The following C7orf78 variants were observed in gnomAD, a reference collection of about 807,000 sequenced individuals.
C7orf78 encodes putative uncharacterized protein C7orf78.
chr7:12,500,152 A>C, the C7orf78 span, among the ~76,000 whole-genome samples: 4 of 147,074 alleles, frequency 2.7e-5, no homozygotes, highest in African/African-American at 1.0e-4. Context: ...TTGACACCCT[A>C]ACATCACAAT....
the C7orf78 span, among the ~76,000 whole-genome samples, chr7:12,504,153 C>T: frequency 6.6e-6 from 1 of 152,104 alleles, no homozygotes; most frequent in Non-Finnish European, 1.5e-5. Context: ...GATTGCTAAG[C>T]AATTACAAAA....
chr7:12,501,687 C>T, the C7orf78 span, among the ~76,000 whole-genome samples: 2 of 147,130 alleles, frequency 1.4e-5, no homozygotes. Context: ...ATGCCATCCC[C>T]ATCAAGCTAC....
the C7orf78 span, among the ~76,000 whole-genome samples, chr7:12,522,242 C>G: frequency 1.3e-5 from 2 of 152,090 alleles, no homozygotes; most frequent in Admixed American, 6.6e-5. Flanking sequence ...ACTATTTCTA[C>G]TTCACCAAAT....
chr7:12,502,288 A>G, the C7orf78 span, among the ~76,000 whole-genome samples: 4 of 124,044 alleles, frequency 3.2e-5, no homozygotes, highest in Admixed American at 8.3e-5. Context: ...CATCAGAGTG[A>G]ACAGGCAACC....
chr7:12,502,357 A>G, the C7orf78 span, among the ~76,000 whole-genome samples: 1 of 147,842 alleles, frequency 6.8e-6, no homozygotes, highest in Non-Finnish European at 1.5e-5. Flanking sequence ...AATATCCAGA[A>G]TCTACAATGA....
the C7orf78 span, among the ~76,000 whole-genome samples, chr7:12,514,559 G>C: frequency 4.0e-5 from 6 of 151,828 alleles, no homozygotes; most frequent in Non-Finnish European, 5.9e-5. Context: ...ATTGATTTTT[G>C]AAGTTTTCTT....
At chr7:12,488,737 A>G in the C7orf78 span, among the ~76,000 whole-genome samples, 1 of 152,102 alleles carries the variant, frequency 6.6e-6, no homozygotes, top group Non-Finnish European at 1.5e-5. Flanking sequence ...TTATGTATTT[A>G]TCTAAGAAGT....
chr7:12,495,927 A>C, the C7orf78 span, among the ~76,000 whole-genome samples: 17 of 151,028 alleles, frequency 1.1e-4, no homozygotes, highest in Admixed American at 3.3e-4. Flanking sequence ...AACTCAAAAA[A>C]AATTTTTTTT....
chr7:12,526,441 A>G, the C7orf78 span, among the ~76,000 whole-genome samples: 4 of 152,222 alleles, frequency 2.6e-5, no homozygotes, highest in Non-Finnish European at 5.9e-5. Flanking sequence ...AGCATTTCTT[A>G]TTTGGATTAG....
the C7orf78 span, among the ~76,000 whole-genome samples, chr7:12,521,282 T>C: frequency 0.1 from 15,730 of 152,080 alleles, 1,111 homozygotes; most frequent in Non-Finnish European, 0.15. Flanking sequence ...GTTTTGTATA[T>C]ATTATTTTTT....
chr7:12,503,819 T>C, the C7orf78 span, among the ~76,000 whole-genome samples: 1 of 152,136 alleles, frequency 6.6e-6, no homozygotes, highest in African/African-American at 2.4e-5. Context: ...ACATAAATTA[T>C]GTAGCAGAGG....
chr7:12,523,550 G>A, the C7orf78 span: 1 of 393,816 alleles, frequency 2.5e-6, no homozygotes, highest in Non-Finnish European at 4.5e-6. Context: ...TATATAATGT[G>A]TATAATGCTG....
chr7:12,486,002 T>C, the C7orf78 span, among the ~76,000 whole-genome samples: 1 of 152,102 alleles, frequency 6.6e-6, no homozygotes, highest in Non-Finnish European at 1.5e-5. Context: ...AAAAGGTATC[T>C]CCACTGATTC....
chr7:12,488,793 G>A, the C7orf78 span, among the ~76,000 whole-genome samples: 1 of 151,964 alleles, frequency 6.6e-6, no homozygotes, highest in African/African-American at 2.4e-5. Context: ...TACCATATAT[G>A]CATTCTGAGG....
At chr7:12,523,997 C>T in the C7orf78 span, among the ~76,000 whole-genome samples, 1 of 151,984 alleles carries the variant, frequency 6.6e-6, no homozygotes, top group Admixed American at 6.6e-5. Flanking sequence ...GTTCTCAGAT[C>T]TATAATTTAG....
the C7orf78 span, among the ~76,000 whole-genome samples, chr7:12,489,783 A>G: frequency 6.6e-6 from 1 of 152,148 alleles, no homozygotes; most frequent in Non-Finnish European, 1.5e-5. Context: ...AGATATGGAT[A>G]GGACCAATAT....
the C7orf78 span, among the ~76,000 whole-genome samples, chr7:12,502,598 G>T: frequency 6.6e-6 from 1 of 151,578 alleles, no homozygotes; most frequent in Non-Finnish European, 1.5e-5. Flanking sequence ...TGCTGGAGAG[G>T]ATGTGGAGAA....
chr7:12,491,124 T>G, the C7orf78 span: 1 of 152,186 alleles, frequency 6.6e-6, no homozygotes. Flanking sequence ...CTATTCTTCA[T>G]ATTATCATGA....
the C7orf78 span, among the ~76,000 whole-genome samples, chr7:12,513,064 T>C: frequency 6.1e-5 from 9 of 147,602 alleles, no homozygotes; most frequent in African/African-American, 2.3e-4. Flanking sequence ...TTTTTATTCT[T>C]GGTTATTCTA....
Sources: gnomAD v4.1 joint callset for allele counts (sites outside exome capture counted in the v4.1 genomes callset) on GRCh38, gnomAD v4.1.1 for gene constraint, MANE v1.5 for transcripts, NCBI Gene and HGNC (gene_info 2026-07-23, HGNC 2026-07-21) for gene names.